The following ZNF638 variants were observed in gnomAD, a reference collection of about 807,000 sequenced individuals.
ZNF638 encodes CTCL tumor antigen se33-1.
ZNF638 carries 46 observed loss-of-function variants against 195.6 expected under a neutral mutation model. The observed-to-expected ratio is 0.24, with a 90% CI of 0.19 to 0.30. The LOEUF (loss-of-function observed/expected upper bound fraction) is 0.30. ZNF638 is among the 10% of genes least tolerant of loss of function. The probability of loss-of-function intolerance (pLI) is 1.00; values close to 1 mark genes in which losing one functional copy is unlikely to be tolerated. For synonymous variants in ZNF638, 845 were observed against 772.0 expected (o/e 1.09, Z -1.57); for missense variants, 2,440 against 2,325.3 (o/e 1.05, Z -1.01).
intron 20 of ZNF638, 161 bp from the exon 21 acceptor site, chr2:71,418,441 C>A (rs1200832236): frequency 4.8e-6 from 2 of 415,500 alleles, no homozygotes. Flanking sequence ...GAAAAAAATT[C>A]TAGAACCTGA....
intron 21 of ZNF638, among the ~76,000 whole-genome samples, chr2:71,420,831 G>A (rs1380814934): frequency 6.6e-6 from 1 of 152,174 alleles, no homozygotes; most frequent in Non-Finnish European, 1.5e-5. Flanking sequence ...CCAGAAAGCA[G>A]ATACTAGTTT....
intron 21 of ZNF638, among the ~76,000 whole-genome samples, chr2:71,419,980 T>TCC (rs2080395455): frequency 1.2e-4 from 5 of 40,444 alleles, no homozygotes; most frequent in Admixed American, 5.2e-4. Flanking sequence ...CCGCCTTTTT[T>TCC]TTTTTTTTTT....
intron 18 of ZNF638, 123 bp from the exon 19 acceptor site, chr2:71,405,999 TGTAGTC>T (rs1456270033): frequency 3.7e-5 from 38 of 1,037,958 alleles, no homozygotes; most frequent in Non-Finnish European, 5.2e-5. Context: ...TCTTCCCCCA[TGTAGTC>T]ATTTTCTTAC....
chr2:71,344,915 G>C (rs538477968), intron 1 of ZNF638, among the ~76,000 whole-genome samples: 307 of 152,282 alleles, frequency 2.0e-3, no homozygotes, highest in Non-Finnish European at 3.5e-3. Flanking sequence ...TTTGCTAAAT[G>C]ATTAAAAATG....
Position 71,423,985 on chromosome 2 carries a change from C to G in ZNF638, c.4471C>G (p.Gln1491Glu). Residue 1491 changes from glutamine to glutamate, a missense_variant, in exon 22 of 28, where the codon CAG becomes GAG. Physicochemically the swap from Gln to Glu is conservative, Grantham distance 29. Around this residue, in one of 5 missense-constraint regions of ZNF638, gnomAD observed 1,883 missense variants for 1,739.1 expected, o/e 1.08. Transcript: ENST00000264447. ...TTACAGAGATATAACAAAACAATCT[C>G]AGGAAACAGAGGCTAGACCTTCCAT... ...LDYRDITKQS[Q>E]ETEARPSIMK... 6.8e-6 allele frequency: 11 copies of G among 1,614,082 alleles called. No individual in the cohort carries two copies. Among genetic ancestry groups the G allele is most frequent in the Non-Finnish European group, 8.5e-6 (10 of 1,179,994 alleles).
intron 3 of ZNF638, among the ~76,000 whole-genome samples, chr2:71,359,319 A>G (rs574334157): frequency 6.6e-6 from 1 of 152,318 alleles, no homozygotes; most frequent in South Asian, 2.1e-4. Context: ...AAGGCCCTAT[A>G]GCCCCAGGAG....
intron 19 of ZNF638, 52 bp downstream of exon 19, chr2:71,406,314 A>G: frequency 6.5e-7 from 1 of 1,533,226 alleles, no homozygotes; most frequent in African/African-American, 1.4e-5. Flanking sequence ...AATGTATAAT[A>G]ACCCTGTATT....
chr2:71,337,783 T>C lies in ZNF638; in HGVS notation c.-203+5908T>C, dbSNP rs537375495. Among the ~76,000 whole-genome samples the C allele has an allele frequency of 5.3e-4, 66 of 124,324 alleles. 2 individuals are homozygous for C. The highest frequency in any genetic ancestry group is 1.2e-3 in the African/African-American group (43 of 35,362). The allele number at this position is 124,324 out of a possible 152,430, so 81.6% of individuals were successfully genotyped here. A position where few individuals can be genotyped will look rare whatever the true frequency, so the allele number is the denominator to read the frequency against. Reference sequence around the variant, plus strand: ...ATTGTTTTTTATAGCAGTTTTTTTTTCCCCCTCCAGTACAGGACTAAACTA... The same window carrying C: ...ATTGTTTTTTATAGCAGTTTTTTTTCCCCCCTCCAGTACAGGACTAAACTA... On this transcript the variant is annotated intron_variant, in intron 1 of 27. Coordinates refer to ENST00000264447, the MANE Select transcript of ZNF638 (RefSeq NM_014497.5).
chr2:71,427,859 A>C (rs1027363332), intron 24 of ZNF638, among the ~76,000 whole-genome samples: 2 of 152,176 alleles, frequency 1.3e-5, no homozygotes, highest in Non-Finnish European at 2.9e-5. Context: ...ACGGCAGCTC[A>C]CTTTCCGAAC....
At chr2:71,422,464 C>T (rs932666466) in intron 21 of ZNF638, among the ~76,000 whole-genome samples, 4 of 152,096 alleles carry the variant, frequency 2.6e-5, no homozygotes, top group Non-Finnish European at 4.4e-5. Context: ...ATTTCAGTTA[C>T]CACTGTTGGG....
In ZNF638 at chr2:71,382,092, A is replaced by G. The variant is rs376618502; in HGVS notation, c.2377+1527A>G. Among the ~76,000 whole-genome samples the G allele has an allele frequency of 3.9e-5, 6 of 152,156 alleles. No homozygotes were observed. In the South Asian group the frequency reaches 8.3e-4, roughly 21 times the overall value. On this transcript the variant is annotated intron_variant, in intron 10 of 27. Transcript: ENST00000264447. ...TAAGTGAGTTTAAAAAATTTTTTAA[A>G]TAATTATAAAATTTCCAAGTTTCAG...
At chr2:71,358,803 T>A (rs1385158661) in intron 3 of ZNF638, among the ~76,000 whole-genome samples, 2 of 152,200 alleles carry the variant, frequency 1.3e-5, no homozygotes, top group Non-Finnish European at 2.9e-5. Flanking sequence ...GGTGCCATTT[T>A]TCTAACAGCA....
intron 6 of ZNF638, among the ~76,000 whole-genome samples, chr2:71,367,234 AC>A (rs1049086203): frequency 3.3e-5 from 5 of 150,170 alleles, no homozygotes; most frequent in African/African-American, 9.8e-5. Context: ...TGGCAGTGGA[AC>A]TTTTTTTTTT....
At chr2:71,431,156 A>G (rs2080649649) in intron 25 of ZNF638, 171 bp from the exon 26 acceptor site, 1 of 575,068 alleles carries the variant, frequency 1.7e-6, no homozygotes. Flanking sequence ...GGATTTACCC[A>G]TTTATTCCTT....
intron 1 of ZNF638, among the ~76,000 whole-genome samples, chr2:71,342,325 C>T (rs2078775844): frequency 1.3e-5 from 2 of 152,058 alleles, no homozygotes; most frequent in South Asian, 4.2e-4. Flanking sequence ...AGGGACTCAG[C>T]TTCCACAACC....
At chr2:71,362,922 A>G (rs1041860271) in intron 3 of ZNF638, among the ~76,000 whole-genome samples, 7 of 152,138 alleles carry the variant, frequency 4.6e-5, no homozygotes, top group Non-Finnish European at 1.0e-4. Context: ...TTCTGTGCAT[A>G]TGCTGGCCGG....
intron 8 of ZNF638, among the ~76,000 whole-genome samples, chr2:71,371,597 A>G (rs1356332995): frequency 1.3e-5 from 2 of 152,118 alleles, no homozygotes; most frequent in African/African-American, 4.8e-5. Context: ...TGTGATGATC[A>G]GTGATGTTGA....
In ZNF638 at chr2:71,426,969, AACTTTTGCC is replaced by A; in HGVS notation, c.5106_5114del (p.Phe1702_Thr1704del). ...TACCTTTGAATGAGTCAGCAGACAT[AACTTTTGCC>A]ACTTTAAATACTAAAGGAAATGAAG... is the stretch of plus-strand genomic sequence containing the variant. On this transcript the variant is annotated inframe_deletion, in exon 24 of 28. Transcript: ENST00000264447. 1 of 1,612,604 alleles carries A rather than the reference AACTTTTGCC, an allele frequency of 6.2e-7. No homozygotes were observed. Among genetic ancestry groups the A allele is most frequent in the Non-Finnish European group, 8.5e-7 (1 of 1,179,460 alleles).
At chr2:71,381,637 T>C (rs959300609) in intron 10 of ZNF638, among the ~76,000 whole-genome samples, 1 of 152,140 alleles carries the variant, frequency 6.6e-6, no homozygotes, top group Non-Finnish European at 1.5e-5. Context: ...TTTCAGAATG[T>C]GTCATGTTAA....
Sources: allele counts gnomAD v4.1 joint callset (sites outside exome capture counted in the v4.1 genomes callset), GRCh38; gene constraint gnomAD v4.1.1; regional missense constraint gnomAD v4.1.1; transcripts MANE v1.5; gene names NCBI Gene and HGNC (gene_info 2026-07-23, HGNC 2026-07-21).